Variants in VARS2 observed in about 807,000 individuals in gnomAD.
VARS2 encodes valine--tRNA ligase, mitochondrial.
A neutral mutation model predicts 154.1 loss-of-function variants in VARS2; 105 were observed. That is an observed-to-expected ratio of 0.68 (90% CI 0.58 to 0.80). The LOEUF (loss-of-function observed/expected upper bound fraction) is 0.80, where lower values mean the gene tolerates loss of function less well. Ranked by LOEUF, VARS2 falls within the 30% of genes least tolerant of loss-of-function variation. The probability of loss-of-function intolerance (pLI) is 0.00; values close to 1 mark genes in which losing one functional copy is unlikely to be tolerated. For synonymous variants in VARS2, 483 were observed against 539.5 expected (o/e 0.90, Z 1.45); for missense variants, 1,157 against 1,361.4 (o/e 0.85, Z 2.36).
Position 30,920,631 on chromosome 6 carries a change from C to A in VARS2, c.1398-37C>A. 1 of 1,490,378 alleles carries A rather than the reference C, an allele frequency of 6.7e-7. No individual in the cohort carries two copies. Among genetic ancestry groups the A allele is most frequent in the Non-Finnish European group, 9.0e-7 (1 of 1,105,654 alleles). 92.3% of individuals were successfully genotyped at this position (1,490,378 alleles called of 1,614,324 possible). A position where few individuals can be genotyped will look rare whatever the true frequency, so the allele number is the denominator to read the frequency against. On this transcript the variant is annotated intron_variant, in intron 14 of 29. Transcript: ENST00000676266. This position sits in a 1 kb window ranked among gnomAD's most constrained non-coding sequence, Gnocchi z 4.6. ...TGTGCCCCTGGGAGAAGTCACAGGG[C>A]CGGAAGAGCAGTGGACTCACCCTGT...
rs1794282496 is a variant in VARS2 at position 30,917,979 on chromosome 6, G to A, written c.985+173G>A. Among the ~76,000 whole-genome samples, 2 of 152,228 alleles carry A rather than the reference G, an allele frequency of 1.3e-5. No individual in the cohort carries two copies. The highest frequency in any genetic ancestry group is 2.9e-5 in the Non-Finnish European group (2 of 68,048). On this transcript the variant is annotated intron_variant, in intron 10 of 29. Coordinates refer to ENST00000676266, the MANE Select transcript of VARS2 (RefSeq NM_020442.6). This position sits in a 1 kb window ranked among gnomAD's most constrained non-coding sequence, Gnocchi z 4.4. ...TCTGGGGGATGTACAAAAAGTGCAT[G>A]TGGTCACTGCCCTTTGAGAGTGTGG...
At position 30,914,808 on chromosome 6, in the gene VARS2, A is replaced by T. The variant is rs761432342; in HGVS notation, c.-27-2A>T. The T allele has an allele frequency of 3.7e-6, 6 of 1,612,726 alleles. No individual in the cohort carries two copies. The East Asian group carries it at 8.9e-5, about 24-fold the overall frequency. ...AATGTGCTCTCTCTCTATCCAGAAC[A>T]GATCTCGGCCCCTTTCCAAACACTC... On this transcript the variant is annotated splice_acceptor_variant, in intron 1 of 29. Transcript: ENST00000676266. LOFTEE classifies it low-confidence loss of function (5UTR_SPLICE).
chr6:30,916,470 G>A lies in VARS2; in HGVS notation c.671+221G>A, dbSNP rs1229521217. 6.6e-5 allele frequency: 25 copies of A among 380,174 alleles called. No individual in the cohort carries two copies. The highest frequency in any genetic ancestry group is 9.3e-5 in the Non-Finnish European group (21 of 225,408). 23.6% of individuals were successfully genotyped at this position (380,174 alleles called of 1,614,324 possible). Reference sequence around the variant, plus strand: ...AGAATATTCGTGTGTGTGTGTGTGTGTGTGTGTATTTATATATATATATAT... The same window carrying A: ...AGAATATTCGTGTGTGTGTGTGTGTATGTGTGTATTTATATATATATATAT... On this transcript the variant is annotated intron_variant, in intron 7 of 29. Coordinates refer to ENST00000676266, the MANE Select transcript of VARS2 (RefSeq NM_020442.6). The surrounding 1 kb of genome is among the most constrained non-coding windows in gnomAD (Gnocchi z 4.0).
Position 30,925,256 on chromosome 6 carries a change from G to A in VARS2, c.2674-18G>A. 6.2e-7 allele frequency: 1 copy of A among 1,601,052 alleles called. No homozygotes were observed. Among genetic ancestry groups the A allele is most frequent in the Non-Finnish European group, 8.5e-7 (1 of 1,174,150 alleles). Reference sequence around the variant, plus strand: ...CCCAGGAGCCCCTTTGCCAATTCTGGGTCCCCCCCATTGCCAGGAGCACTG... The same window carrying A: ...CCCAGGAGCCCCTTTGCCAATTCTGAGTCCCCCCCATTGCCAGGAGCACTG... On this transcript the variant is annotated intron_variant, in intron 26 of 29. Coordinates refer to ENST00000676266, the MANE Select transcript of VARS2 (RefSeq NM_020442.6).
At position 30,914,291 on chromosome 6, in the gene VARS2, A is replaced by T; in HGVS notation, c.-81A>T. ...CACGTTCCAGGGTCGGGTTTGGTGGATTCCTCAGTCCCTGCCGCCGCGGGG... is the reference window on the plus strand; with the variant it reads ...CACGTTCCAGGGTCGGGTTTGGTGGTTTCCTCAGTCCCTGCCGCCGCGGGG... On this transcript the variant is annotated 5_prime_UTR_variant, in exon 1 of 30. Transcript: ENST00000676266. 4.9e-6 allele frequency: 5 copies of T among 1,025,292 alleles called. No individual in the cohort carries two copies. Among genetic ancestry groups the T allele is most frequent in the Non-Finnish European group, 6.3e-6 (5 of 797,006 alleles). The allele number at this position is 1,025,292 out of a possible 1,614,324, so 63.5% of individuals were successfully genotyped here. A position where few individuals can be genotyped will look rare whatever the true frequency, so the allele number is the denominator to read the frequency against.
chr6:30,914,497 C>A (rs1192912262), intron 1 of VARS2, 153 bp downstream of exon 1: 1 of 1,329,664 alleles, frequency 7.5e-7, no homozygotes, highest in Non-Finnish European at 9.6e-7. Flanking sequence ...CCTGGCGGGA[C>A]TCCTTGCTGG....
Position 30,915,009 on chromosome 6 carries a change from T to C in VARS2, c.173T>C (p.Leu58Pro), listed in dbSNP as rs1473942534. Reference protein sequence around the residue: ...QKRLREKQATLEAEIAGESKS... With the variant: ...QKRLREKQATPEAEIAGESKS... ...CGCCTGCGAGAGAAGCAGGCGACTC[T>C]GGAGGCTGAGATAGCAGGGGAGAGC... is the stretch of plus-strand genomic sequence containing the variant. Residue 58 changes from leucine (L) to proline (P), a missense_variant, in exon 2 of 30, where the codon CTG (leucine) becomes CCG (proline). Transcript: ENST00000676266. The C allele has an allele frequency of 1.9e-6, 3 of 1,613,404 alleles. No individual in the cohort carries two copies. Among genetic ancestry groups the C allele is most frequent in the Admixed American group, 1.7e-5 (1 of 59,958 alleles).
In VARS2 at chr6:30,920,206, A is replaced by T; in HGVS notation, c.1283A>T (p.Asp428Val). The change falls in exon 13 of 30, where the codon GAC becomes GTC. Residue 428 changes from aspartate to valine, a missense_variant. Transcript: ENST00000676266. This position sits in a 1 kb window ranked among gnomAD's most constrained non-coding sequence, Gnocchi z 4.6. ...GGGACCATGACCTCCCTCTGCGGGG[A>T]CTGGCTGCAGGTGGTACCACCCTAT... ...EDGTMTSLCG[D>V]WLQGLHRFVA... 6.3e-7 allele frequency: 1 copy of T among 1,576,766 alleles called. No homozygotes were observed. The highest frequency in any genetic ancestry group is 8.6e-7 in the Non-Finnish European group (1 of 1,160,396).
rs908070197 is a variant in VARS2, at chr6:30,917,588, A to T, written c.874-107A>T. The stretch of plus-strand genomic sequence containing the variant: ...CTCCCGAATCCTCCAAATGGCTTTT[A>T]GATGGATTGCAGGGAGGCTGGGCAG... On this transcript the variant is annotated intron_variant, in intron 9 of 29. Transcript: ENST00000676266. This position sits in a 1 kb window ranked among gnomAD's most constrained non-coding sequence, Gnocchi z 4.4. The T allele has an allele frequency of 9.2e-7, 1 of 1,084,574 alleles. No homozygotes were observed. The highest frequency in any genetic ancestry group is 1.6e-5 in the African/African-American group (1 of 62,640). 67.2% of individuals were successfully genotyped at this position (1,084,574 alleles called of 1,614,324 possible). A position where few individuals can be genotyped will look rare whatever the true frequency, so the allele number is the denominator to read the frequency against.
chr6:30,916,878 G>A lies in VARS2; in HGVS notation c.672G>A (p.Ala224=). The change falls in exon 8 of 30, where the codon GCG becomes GCA. Residue 224 remains alanine (A), a splice_region_variant and synonymous_variant. Transcript: ENST00000676266. This position sits in a 1 kb window ranked among gnomAD's most constrained non-coding sequence, Gnocchi z 4.0. ...FLREVWQWKE[A]KGGEICEQLR... ...CTGACAAGGATCTCTCTGGGCACAG[G>A]AAAGGTGGAGAGATCTGTGAGCAGC... 6.2e-7 allele frequency: 1 copy of A among 1,614,140 alleles called. No individual in the cohort carries two copies. Among genetic ancestry groups the A allele is most frequent in the Non-Finnish European group, 8.5e-7 (1 of 1,180,004 alleles).
In VARS2 at chr6:30,919,665, T is replaced by A. The variant is rs1381486113; in HGVS notation, c.1075-93T>A. 2.0e-6 allele frequency: 2 copies of A among 1,018,120 alleles called. No homozygotes were observed. The highest frequency in any genetic ancestry group is 5.6e-5 in the Admixed American group (2 of 35,974). The allele number at this position is 1,018,120 out of a possible 1,614,324, so 63.1% of individuals were successfully genotyped here. A position where few individuals can be genotyped will look rare whatever the true frequency, so the allele number is the denominator to read the frequency against. ...TGCTCTAGCTTGCTACCTTCCACTT[T>A]CTACCTTCTTATTCCTGGGGTTCTC... On this transcript the variant is annotated intron_variant, in intron 11 of 29. Transcript: ENST00000676266. The surrounding 1 kb of genome is among the most constrained non-coding windows in gnomAD (Gnocchi z 4.5).
rs28383826 is a variant in VARS2 at position 30,916,453 on chromosome 6, CGTGTGT to C, written c.671+223_671+228del. 1.3e-5 allele frequency: 5 copies of C among 398,454 alleles called. No individual in the cohort carries two copies. The highest frequency in any genetic ancestry group is 2.2e-5 in the African/African-American group (1 of 46,014). 24.7% of individuals were successfully genotyped at this position (398,454 alleles called of 1,614,324 possible). On this transcript the variant is annotated intron_variant, in intron 7 of 29. Transcript: ENST00000676266. The surrounding 1 kb of genome is among the most constrained non-coding windows in gnomAD (Gnocchi z 4.0). ...GATATTATATATGCATTAGAATATT[CGTGTGT>C]GTGTGTGTGTGTGTGTGTATTTATA...
chr6:30,918,466 C>T (rs753286897), intron 10 of VARS2, among the ~76,000 whole-genome samples: 1 of 152,176 alleles, frequency 6.6e-6, no homozygotes, highest in South Asian at 2.1e-4. Flanking sequence ...GGAGCTGGTG[C>T]TCCCCCTGAG....
intron 1 of VARS2, 115 bp downstream of exon 1, chr6:30,914,459 C>T: frequency 6.9e-6 from 9 of 1,313,752 alleles, no homozygotes; most frequent in Non-Finnish European, 8.7e-6. Context: ...CTGCAGGAGG[C>T]CCCTGTGCAG....
Position 30,917,642 on chromosome 6 carries a change from C to A in VARS2, c.874-53C>A. On this transcript the variant is annotated intron_variant, in intron 9 of 29. Coordinates refer to ENST00000676266, the MANE Select transcript of VARS2 (RefSeq NM_020442.6). The surrounding 1 kb of genome is among the most constrained non-coding windows in gnomAD (Gnocchi z 4.4). ...GATGAGTGGCAGAGTGAAGCCTGGG[C>A]ATGAGCCTTGCAGAAAGGCTGCCCT... is the stretch of plus-strand genomic sequence containing the variant. 6.8e-7 allele frequency: 1 copy of A among 1,473,466 alleles called. No homozygotes were observed. The highest frequency in any genetic ancestry group is 9.2e-7 in the Non-Finnish European group (1 of 1,091,212). 91.3% of individuals were successfully genotyped at this position (1,473,466 alleles called of 1,614,324 possible).
Position 30,922,775 on chromosome 6 carries a change from G to A in VARS2, c.2106+1G>A, listed in dbSNP as rs1157740802. 1 of 1,608,590 alleles carries A rather than the reference G, an allele frequency of 6.2e-7. No homozygotes were observed. The highest frequency in any genetic ancestry group is 8.5e-7 in the Non-Finnish European group (1 of 1,176,986). On this transcript the variant is annotated splice_donor_variant, in intron 22 of 29. Coordinates refer to ENST00000676266, the MANE Select transcript of VARS2 (RefSeq NM_020442.6). LOFTEE classifies it high-confidence loss of function. ...GCTGGCCATTGTGGCTGCAGCACAG[G>A]TGAGTCATCGCTGCCTGCCCCCCAC...
rs142049920 is a variant in VARS2 at position 30,917,978 on chromosome 6, T to C, written c.985+172T>C. Among the ~76,000 whole-genome samples, 148 of 152,330 alleles carry C rather than the reference T, an allele frequency of 9.7e-4. No individual in the cohort carries two copies. The highest frequency in any genetic ancestry group is 1.7e-3 in the Non-Finnish European group (118 of 68,042). On this transcript the variant is annotated intron_variant, in intron 10 of 29. Transcript: ENST00000676266. The surrounding 1 kb of genome is among the most constrained non-coding windows in gnomAD (Gnocchi z 4.4). ...TTCTGGGGGATGTACAAAAAGTGCA[T>C]GTGGTCACTGCCCTTTGAGAGTGTG...
In VARS2 at chr6:30,917,533, C is replaced by T. The variant is rs751014610; in HGVS notation, c.874-162C>T. Among the ~76,000 whole-genome samples, 6 of 152,254 alleles carry T rather than the reference C, an allele frequency of 3.9e-5. No homozygotes were observed. The highest frequency in any genetic ancestry group is 7.3e-5 in the Non-Finnish European group (5 of 68,046). On this transcript the variant is annotated intron_variant, in intron 9 of 29. Coordinates refer to ENST00000676266, the MANE Select transcript of VARS2 (RefSeq NM_020442.6). The surrounding 1 kb of genome is among the most constrained non-coding windows in gnomAD (Gnocchi z 4.4). Reference sequence around the variant, plus strand: ...AATATTTATTAGAAGTGTGACTGCACGAGCATTGGGTGAGGGCAGAGGGAG... The same window carrying T: ...AATATTTATTAGAAGTGTGACTGCATGAGCATTGGGTGAGGGCAGAGGGAG...
In VARS2 at chr6:30,919,997, C is replaced by T. The variant is rs1794403656; in HGVS notation, c.1166-92C>T. On this transcript the variant is annotated intron_variant, in intron 12 of 29. Coordinates refer to ENST00000676266, the MANE Select transcript of VARS2 (RefSeq NM_020442.6). This position sits in a 1 kb window ranked among gnomAD's most constrained non-coding sequence, Gnocchi z 4.5. ...AGGGAGGCACAGACAGAGAAAGTCG[C>T]AGGGGCTGGGGCGGTGCAGGTGATG... is the stretch of plus-strand genomic sequence containing the variant. 1.3e-6 allele frequency: 2 copies of T among 1,500,498 alleles called. No homozygotes were observed. Among genetic ancestry groups the T allele is most frequent in the African/African-American group, 1.4e-5 (1 of 71,552 alleles). The allele number at this position is 1,500,498 out of a possible 1,614,324, so 92.9% of individuals were successfully genotyped here.
Sources: allele counts gnomAD v4.1 joint callset (sites outside exome capture counted in the v4.1 genomes callset), GRCh38; gene constraint gnomAD v4.1.1; non-coding constraint Gnocchi (gnomAD v3.1); transcripts MANE v1.5; gene names NCBI Gene and HGNC (gene_info 2026-07-23, HGNC 2026-07-21).